The following CFAP20DC variants were observed in gnomAD, a reference collection of about 807,000 sequenced individuals.
CFAP20DC encodes the protein CFAP20 domain containing.
Under a neutral mutation model 101.7 loss-of-function variants are expected in CFAP20DC, and 84 were observed. The observed-to-expected ratio is 0.83, with a 90% CI of 0.69 to 0.99. The LOEUF (loss-of-function observed/expected upper bound fraction) is 0.99, where lower values mean the gene tolerates loss of function less well. CFAP20DC is among the 50% of genes least tolerant of loss of function. CFAP20DC has a pLI of 0.00. For synonymous variants in CFAP20DC, 359 were observed against 351.2 expected (o/e 1.02, Z -0.25); for missense variants, 1,007 against 970.3 (o/e 1.04, Z -0.50).
At chr3:58,917,598 G>C (rs1559819576) in intron 5 of CFAP20DC, among the ~76,000 whole-genome samples, 1 of 152,054 alleles carries the variant, frequency 6.6e-6, no homozygotes, top group Non-Finnish European at 1.5e-5. Context: ...ACAGAGACCA[G>C]GGTCTTATGA....
intron 14 of CFAP20DC, among the ~76,000 whole-genome samples, chr3:58,809,358 G>C (rs1226127797): frequency 6.6e-6 from 1 of 152,140 alleles, no homozygotes; most frequent in African/African-American, 2.4e-5. Flanking sequence ...TTGTCTCTCA[G>C]ACCACAGTGC....
At chr3:58,922,595 C>T (rs548337782) in intron 5 of CFAP20DC, among the ~76,000 whole-genome samples, 113 of 152,310 alleles carry the variant, frequency 7.4e-4, no homozygotes, top group African/African-American at 2.6e-3. Flanking sequence ...TTTCAACTCT[C>T]ACTATCTGTG....
chr3:58,891,378 C>T lies in CFAP20DC; in HGVS notation c.551-6669G>A, dbSNP rs985152407. On this transcript the variant is annotated intron_variant, in intron 6 of 16. Transcript: ENST00000482387. ...AGATGGCAGCAGTACAGTCCAGCTT[C>T]GGCTCCGCATGAGAGGGAGACCGTG... is the stretch of plus-strand genomic sequence containing the variant. 1.8e-3 allele frequency among the ~76,000 whole-genome samples: 266 copies of T among 150,926 alleles called. 2 individuals carry two copies. The highest frequency in any genetic ancestry group is 5.7e-3 in the African/African-American group (235 of 40,940).
At position 58,747,606 on chromosome 3, in the gene CFAP20DC, A is replaced by T. The variant is rs140028568; in HGVS notation, c.2333-5034T>A. Among the ~76,000 whole-genome samples the T allele has an allele frequency of 2.3e-3, 353 of 152,230 alleles. 2 individuals are homozygous for T. The Middle Eastern group carries it at 0.024, about 10-fold the overall frequency. ...TATTTTCTCTCCTATAGATCTTGAG[A>T]ACTGATTGACTGTATTTTTATGTGC... On this transcript the variant is annotated intron_variant, in intron 16 of 16. Transcript: ENST00000482387.
At chr3:58,932,101 A>C (rs1261650695) in intron 5 of CFAP20DC, among the ~76,000 whole-genome samples, 1 of 152,260 alleles carries the variant, frequency 6.6e-6, no homozygotes, top group Non-Finnish European at 1.5e-5. Context: ...GGTGAAAGCC[A>C]AGGCTTGAGA....
intron 4 of CFAP20DC, chr3:58,953,762 T>C (rs974461351): frequency 5.9e-5 from 9 of 152,166 alleles, no homozygotes; most frequent in African/African-American, 2.2e-4. Flanking sequence ...AGGCTGCTTG[T>C]AAAACAGCTC....
At chr3:59,018,956 A>C (rs1474963277) in intron 4 of CFAP20DC, 1 of 152,162 alleles carries the variant, frequency 6.6e-6, no homozygotes, top group East Asian at 1.9e-4. Context: ...AATCACACAC[A>C]TACAGAAAAA....
intron 12 of CFAP20DC, among the ~76,000 whole-genome samples, chr3:58,850,074 T>C (rs2078086011): frequency 2.0e-5 from 3 of 152,194 alleles, no homozygotes; most frequent in Non-Finnish European, 4.4e-5. Context: ...AGTCCACAGT[T>C]CTGTGATTTT....
chr3:58,951,826 G>A (rs568888350), intron 4 of CFAP20DC, among the ~76,000 whole-genome samples: 1 of 152,218 alleles, frequency 6.6e-6, no homozygotes, highest in African/African-American at 2.4e-5. Context: ...GTTACTGGGT[G>A]CAGCACACCA....
At chr3:58,777,115 C>T (rs1021649433) in intron 15 of CFAP20DC, among the ~76,000 whole-genome samples, 2 of 152,210 alleles carry the variant, frequency 1.3e-5, no homozygotes, top group Non-Finnish European at 2.9e-5. Context: ...GGATAAAGAA[C>T]AGACAGAACT....
intron 4 of CFAP20DC, among the ~76,000 whole-genome samples, chr3:58,999,881 C>T (rs1025137205): frequency 6.9e-6 from 1 of 145,538 alleles, no homozygotes; most frequent in Non-Finnish European, 1.5e-5. Flanking sequence ...CCTGACAGAG[C>T]ACGGGAAGGC....
chr3:58,856,436 C>T (rs1010534736), intron 12 of CFAP20DC, among the ~76,000 whole-genome samples: 12 of 152,054 alleles, frequency 7.9e-5, no homozygotes, highest in Admixed American at 7.2e-4. Flanking sequence ...ATAAGACAGG[C>T]GAAAATATTT....
At chr3:58,770,005 T>C (rs2070696254) in intron 15 of CFAP20DC, among the ~76,000 whole-genome samples, 1 of 152,210 alleles carries the variant, frequency 6.6e-6, no homozygotes, top group Non-Finnish European at 1.5e-5. Flanking sequence ...ATCTTCTCTA[T>C]ACTCTATTAA....
At position 58,752,752 on chromosome 3, in the gene CFAP20DC, G is replaced by A. The variant is rs572674576; in HGVS notation, c.2332+1017C>T. 2.4e-4 allele frequency among the ~76,000 whole-genome samples: 37 copies of A among 152,064 alleles called. No homozygotes were observed. The Middle Eastern group carries it at 0.01, about 42-fold the overall frequency. On this transcript the variant is annotated intron_variant, in intron 16 of 16. Coordinates refer to ENST00000482387, the MANE Select transcript of CFAP20DC (RefSeq NM_001394063.1). ...TCTCCATCCCTTGGGCGGCCAAAAC[G>A]TACAACTCAGATGTATGGGCTCTCA...
intron 14 of CFAP20DC, chr3:58,824,476 T>C (rs2075903481): frequency 6.6e-6 from 1 of 152,172 alleles, no homozygotes; most frequent in Non-Finnish European, 1.5e-5. Context: ...CAAGCAGCTT[T>C]GCTTTTCCAT....
intron 4 of CFAP20DC, among the ~76,000 whole-genome samples, chr3:58,967,737 T>C (rs1481298683): frequency 6.6e-6 from 1 of 152,178 alleles, no homozygotes; most frequent in Non-Finnish European, 1.5e-5. Flanking sequence ...GGTTTAGGGG[T>C]ACATGTGAAG....
intron 4 of CFAP20DC, among the ~76,000 whole-genome samples, chr3:59,024,741 T>C (rs572420720): frequency 3.9e-5 from 6 of 152,162 alleles, no homozygotes; most frequent in Non-Finnish European, 8.8e-5. Flanking sequence ...AATGACTTCA[T>C]AAGATTCCAT....
In CFAP20DC at chr3:59,010,326, T is replaced by C. The variant is rs1019899199; in HGVS notation, c.278+29231A>G. Among the ~76,000 whole-genome samples the C allele has an allele frequency of 2.0e-5, 3 of 151,808 alleles. No homozygotes were observed. In the South Asian group the frequency reaches 6.2e-4, roughly 32 times the overall value. ...GTCTTCAAGAGACTTACCTAACACATAAGGACTCACATAAACTTTGGGTAA... is the reference window on the plus strand; with the variant it reads ...GTCTTCAAGAGACTTACCTAACACACAAGGACTCACATAAACTTTGGGTAA... On this transcript the variant is annotated intron_variant, in intron 4 of 16. Transcript: ENST00000482387.
intron 4 of CFAP20DC, among the ~76,000 whole-genome samples, chr3:58,987,522 A>G (rs1381233699): frequency 6.6e-6 from 1 of 152,078 alleles, no homozygotes; most frequent in Non-Finnish European, 1.5e-5. Context: ...TATTACCTAG[A>G]GCAAAAATAT....
Sources: allele counts gnomAD v4.1 joint callset (sites outside exome capture counted in the v4.1 genomes callset), GRCh38; gene constraint gnomAD v4.1.1; transcripts MANE v1.5; gene names NCBI Gene and HGNC (gene_info 2026-07-23, HGNC 2026-07-21).